Variants in CLNS1A observed in about 807,000 individuals in gnomAD.
The protein encoded by CLNS1A is methylosome subunit pICln.
A neutral mutation model predicts 29.4 loss-of-function variants in CLNS1A; 16 were observed. The ratio of observed to expected loss-of-function variants is 0.54; its 90% CI spans 0.37 to 0.83. CLNS1A has a LOEUF of 0.83. Among genes scored for constraint, CLNS1A ranks in the 40% least tolerant of loss-of-function variants. The pLI, the probability that CLNS1A is intolerant of heterozygous loss-of-function variation, is 0.00. For synonymous variants in CLNS1A, 96 were observed against 104.8 expected (o/e 0.92, Z 0.51); for missense variants, 235 against 287.4 (o/e 0.82, Z 1.32).
At position 77,629,789 on chromosome 11, in the gene CLNS1A, T is replaced by A; in HGVS notation, c.236A>T (p.Tyr79Phe). 6.2e-7 allele frequency: 1 copy of A among 1,613,152 alleles called. No individual in the cohort carries two copies. The highest frequency in any genetic ancestry group is 1.1e-5 in the South Asian group (1 of 91,054). ...DRSDCLGEHLYVMVNAKFEEE... is the reference protein window; with the variant it reads ...DRSDCLGEHLFVMVNAKFEEE... ...TTCAAATTTGGCATTCACCATAACA[T>A]ACAAATGCTCTCCTAGACAGTCACT... is the stretch of plus-strand genomic sequence containing the variant. Residue 79 changes from tyrosine to phenylalanine, a missense_variant, in exon 2 of 7, where the codon TAT becomes TTT. By Grantham distance (22) the Tyr-to-Phe change is conservative (BLOSUM62 3). Coordinates refer to ENST00000525428, the MANE Select transcript of CLNS1A (RefSeq NM_001293.3).
chr11:77,614,963 A>G lies in CLNS1A; in HGVS notation c.*1755T>C, dbSNP rs984532096. ...ACTATCTAGTGAATGTTACAGCTCA[A>G]TCTTTGAAAGTCACTTAGTCTAATG... On this transcript the variant is annotated 3_prime_UTR_variant, in exon 7 of 7. Transcript: ENST00000525428. The G allele has an allele frequency of 1.3e-5, 2 of 152,154 alleles. No homozygotes were observed. The highest frequency in any genetic ancestry group is 2.9e-5 in the Non-Finnish European group (2 of 68,038). 9.4% of individuals were successfully genotyped at this position (152,154 alleles called of 1,614,324 possible).
chr11:77,637,270 G>GAAAAA (rs1389362382), intron 1 of CLNS1A, among the ~76,000 whole-genome samples: 8 of 40,438 alleles, frequency 2.0e-4, no homozygotes, highest in African/African-American at 5.5e-4. Flanking sequence ...GAAAATAAAA[G>GAAAAA]AAAGAAAGAA....
At position 77,637,744 on chromosome 11, in the gene CLNS1A, A is replaced by G. The variant is rs116408850; in HGVS notation, c.-30T>C. ...GCAGAGTGCGGCAACACAGGCCCTGAGGGAGTTGGAGCACAGCAATGCGTG... is the reference window on the plus strand; with the variant it reads ...GCAGAGTGCGGCAACACAGGCCCTGGGGGAGTTGGAGCACAGCAATGCGTG... On this transcript the variant is annotated 5_prime_UTR_variant, in exon 1 of 7. Coordinates refer to ENST00000525428, the MANE Select transcript of CLNS1A (RefSeq NM_001293.3). 8.2e-4 allele frequency: 1,264 copies of G among 1,546,708 alleles called. 6 individuals carry two copies. The African/African-American group carries it at 0.015, about 19-fold the overall frequency.
intron 4 of CLNS1A, among the ~76,000 whole-genome samples, chr11:77,624,046 T>C (rs1180268915): frequency 1.3e-5 from 2 of 152,184 alleles, no homozygotes; most frequent in African/African-American, 2.4e-5. Flanking sequence ...GAGGATTGCT[T>C]GGGCCCAGGA....
At chr11:77,626,223 A>G (rs1393192354) in intron 2 of CLNS1A, among the ~76,000 whole-genome samples, 1 of 152,158 alleles carries the variant, frequency 6.6e-6, no homozygotes, top group Non-Finnish European at 1.5e-5. Context: ...AGCAGCTGGG[A>G]CTACAGGCAC....
intron 1 of CLNS1A, among the ~76,000 whole-genome samples, chr11:77,631,076 A>C (rs1249064372): frequency 6.6e-6 from 1 of 152,194 alleles, no homozygotes; most frequent in African/African-American, 2.4e-5. Context: ...ACCAAGCAAA[A>C]ACAAAAGTAA....
chr11:77,637,225 T>G (rs1228265556), intron 1 of CLNS1A, among the ~76,000 whole-genome samples: 1 of 54,654 alleles, frequency 1.8e-5, no homozygotes, highest in Non-Finnish European at 3.2e-5. Context: ...GCGCCAGACC[T>G]CCAGTAAATA....
chr11:77,631,322 T>C (rs959535571), intron 1 of CLNS1A, among the ~76,000 whole-genome samples: 1 of 151,312 alleles, frequency 6.6e-6, no homozygotes, highest in Non-Finnish European at 1.5e-5. Context: ...CGTAATTGTA[T>C]ACTTTTTTTT....
rs1959149464 is a variant in CLNS1A at position 77,637,753 on chromosome 11, G to A, written c.-39C>T. On this transcript the variant is annotated 5_prime_UTR_variant, in exon 1 of 7. Transcript: ENST00000525428. ...GGCAACACAGGCCCTGAGGGAGTTG[G>A]AGCACAGCAATGCGTGCACCACACC... 6.5e-7 allele frequency: 1 copy of A among 1,540,462 alleles called. No homozygotes were observed. Among genetic ancestry groups the A allele is most frequent in the Non-Finnish European group, 8.8e-7 (1 of 1,140,922 alleles).
At chr11:77,632,601 C>G (rs1361514089) in intron 1 of CLNS1A, among the ~76,000 whole-genome samples, 1 of 151,240 alleles carries the variant, frequency 6.6e-6, no homozygotes, top group African/African-American at 2.4e-5. Flanking sequence ...CTTAAAAACA[C>G]TTATTCTAAT....
At chr11:77,625,604 T>C (rs562050877) in intron 3 of CLNS1A, 113 bp downstream of exon 3, 1 of 830,866 alleles carries the variant, frequency 1.2e-6, no homozygotes, top group Admixed American at 3.3e-5. Context: ...AGCAATAGAA[T>C]GGAGGTAATG....
Position 77,616,144 on chromosome 11 carries a change from A to G in CLNS1A, c.*574T>C, listed in dbSNP as rs1050701286. Reference sequence around the variant, plus strand: ...ATTAATGGTTTTAGTCAAGAATGAGAGCAAAGTAATATAGAAAACCTAGGT... The same window carrying G: ...ATTAATGGTTTTAGTCAAGAATGAGGGCAAAGTAATATAGAAAACCTAGGT... On this transcript the variant is annotated 3_prime_UTR_variant, in exon 7 of 7. Transcript: ENST00000525428. 7.9e-5 allele frequency: 12 copies of G among 152,220 alleles called. No individual in the cohort carries two copies. The highest frequency in any genetic ancestry group is 2.9e-4 in the African/African-American group (12 of 41,468). The allele number at this position is 152,220 out of a possible 1,614,324, so 9.4% of individuals were successfully genotyped here. A position where few individuals can be genotyped will look rare whatever the true frequency, so the allele number is the denominator to read the frequency against.
At chr11:77,629,953 AC>A in intron 1 of CLNS1A, 54 bp from the exon 2 acceptor site, 1 of 1,551,236 alleles carries the variant, frequency 6.4e-7, no homozygotes, top group Non-Finnish European at 8.9e-7. Flanking sequence ...CTCATGTAAG[AC>A]CACAAAGTAT....
In CLNS1A at chr11:77,622,619, T is replaced by G; in HGVS notation, c.527A>C (p.His176Pro). 6.2e-7 allele frequency: 1 copy of G among 1,613,674 alleles called. No individual in the cohort carries two copies. Among genetic ancestry groups the G allele is most frequent in the Middle Eastern group, 1.7e-4 (1 of 6,058 alleles). The change falls in exon 5 of 7, where the codon CAT becomes CCT. Residue 176 changes from histidine to proline, a missense_variant. His to Pro is a moderately conservative substitution (Grantham distance 77). Transcript: ENST00000525428. ...TGTGGCTTGGCCTTCTGCTGTTAGA[T>G]GGGATAATCCTTCTTCATAGGTGTA... is the stretch of plus-strand genomic sequence containing the variant. Reference protein sequence around the residue: ...TFYTYEEGLSHLTAEGQATLE... With the variant: ...TFYTYEEGLSPLTAEGQATLE...
chr11:77,623,037 A>G (rs1156888328), intron 4 of CLNS1A, among the ~76,000 whole-genome samples: 1 of 152,106 alleles, frequency 6.6e-6, no homozygotes, highest in Non-Finnish European at 1.5e-5. Flanking sequence ...TTATTTATAC[A>G]CACATATAGG....
intron 1 of CLNS1A, among the ~76,000 whole-genome samples, chr11:77,630,469 C>G (rs56808046): frequency 6.6e-6 from 1 of 152,304 alleles, no homozygotes; most frequent in East Asian, 1.9e-4. Flanking sequence ...CTCCATGAAT[C>G]CTACACTAAA....
At chr11:77,628,214 C>G (rs1959040757) in intron 2 of CLNS1A, among the ~76,000 whole-genome samples, 1 of 152,172 alleles carries the variant, frequency 6.6e-6, no homozygotes, top group Non-Finnish European at 1.5e-5. Flanking sequence ...TGGCATGTAC[C>G]TTTCCCACCT....
chr11:77,636,629 C>T (rs899736999), intron 1 of CLNS1A, among the ~76,000 whole-genome samples: 5 of 152,294 alleles, frequency 3.3e-5, no homozygotes, highest in Admixed American at 1.3e-4. Flanking sequence ...TTATATTACA[C>T]AGCAAAAGGG....
chr11:77,621,068 G>A (rs546868774), intron 5 of CLNS1A, among the ~76,000 whole-genome samples: 8 of 144,880 alleles, frequency 5.5e-5, no homozygotes, highest in South Asian at 2.2e-4. Context: ...AGGCTGAGGC[G>A]GGCGGATCAC....
Sources: allele counts gnomAD v4.1 joint callset (sites outside exome capture counted in the v4.1 genomes callset), GRCh38; gene constraint gnomAD v4.1.1; transcripts MANE v1.5; gene names NCBI Gene and HGNC (gene_info 2026-07-23, HGNC 2026-07-21).